The following KCNIP1 variants were observed in gnomAD, a reference collection of about 807,000 sequenced individuals.
KCNIP1 encodes potassium voltage-gated channel interacting protein 1, also known as A-type potassium channel modulatory protein KCNIP1.
KCNIP1 carries 18 observed loss-of-function variants against 33.0 expected under a neutral mutation model. The observed-to-expected ratio is 0.55, with a 90% CI of 0.38 to 0.81. The LOEUF (loss-of-function observed/expected upper bound fraction) is 0.81. Ranked by LOEUF, KCNIP1 falls within the 30% of genes least tolerant of loss-of-function variation. The probability of loss-of-function intolerance (pLI) is 0.00; values close to 1 mark genes in which losing one functional copy is unlikely to be tolerated. For missense variants in KCNIP1, 238 were observed against 271.6 expected (o/e 0.88, Z 0.87); for synonymous variants, 93 against 98.3 (o/e 0.95, Z 0.32).
At chr5:170,598,243 C>T (rs536069393) in intron 1 of KCNIP1, among the ~76,000 whole-genome samples, 1 of 152,200 alleles carries the variant, frequency 6.6e-6, no homozygotes, top group Non-Finnish European at 1.5e-5. Flanking sequence ...GCTTCTCTGG[C>T]AGCCAAGGGA....
intron 1 of KCNIP1, among the ~76,000 whole-genome samples, chr5:170,444,021 G>A (rs1440782346): frequency 1.3e-5 from 2 of 152,244 alleles, no homozygotes; most frequent in Non-Finnish European, 2.9e-5. Flanking sequence ...AGAACATTTT[G>A]TATTTAACCA....
intron 1 of KCNIP1, among the ~76,000 whole-genome samples, chr5:170,397,324 A>C (rs1455346360): frequency 6.6e-6 from 1 of 152,198 alleles, no homozygotes; most frequent in African/African-American, 2.4e-5. Context: ...AGACAGACAA[A>C]GAGCTTGTTG....
chr5:170,549,384 T>C (rs571859216), intron 1 of KCNIP1, among the ~76,000 whole-genome samples: 3 of 152,348 alleles, frequency 2.0e-5, no homozygotes, highest in South Asian at 4.1e-4. Flanking sequence ...GATGAAGCCA[T>C]GGCTTTTAGT....
At chr5:170,445,222 C>T (rs938717824) in intron 1 of KCNIP1, among the ~76,000 whole-genome samples, 1 of 152,184 alleles carries the variant, frequency 6.6e-6, no homozygotes, top group African/African-American at 2.4e-5. Context: ...CGGTACAGAG[C>T]CCCGTTAAGG....
chr5:170,688,840 G>T (rs1024561860), intron 1 of KCNIP1, among the ~76,000 whole-genome samples: 8 of 152,166 alleles, frequency 5.3e-5, no homozygotes, highest in African/African-American at 1.9e-4. Context: ...ACTACAAAAT[G>T]GGCTGATCCT....
At chr5:170,730,759 A>G (rs1237323346) in intron 5 of KCNIP1, among the ~76,000 whole-genome samples, 1 of 152,206 alleles carries the variant, frequency 6.6e-6, no homozygotes, top group Non-Finnish European at 1.5e-5. Context: ...TTCTTGAAGA[A>G]TAGTTGATTC....
chr5:170,410,418 G>A (rs568292495), intron 1 of KCNIP1, among the ~76,000 whole-genome samples: 22 of 151,130 alleles, frequency 1.5e-4, no homozygotes, highest in Middle Eastern at 3.4e-3. Flanking sequence ...TGGGTGCACC[G>A]GGTCCCCCAC....
intron 1 of KCNIP1, among the ~76,000 whole-genome samples, chr5:170,526,607 G>A (rs1395814310): frequency 6.6e-6 from 1 of 152,064 alleles, no homozygotes; most frequent in Non-Finnish European, 1.5e-5. Flanking sequence ...CATCTGGGAG[G>A]AGAAGACTGA....
intron 1 of KCNIP1, among the ~76,000 whole-genome samples, chr5:170,628,863 C>A (rs1170537088): frequency 6.6e-6 from 1 of 152,212 alleles, no homozygotes; most frequent in Non-Finnish European, 1.5e-5. Flanking sequence ...TGGCCCCCAG[C>A]CCCCTGAGGG....
intron 1 of KCNIP1, among the ~76,000 whole-genome samples, chr5:170,522,442 A>T (rs1747131380): frequency 1.3e-5 from 2 of 152,190 alleles, no homozygotes; most frequent in South Asian, 4.1e-4. Context: ...CAACTTCAGC[A>T]TTCTTGTTCT....
chr5:170,639,012 G>A (rs746768302), intron 1 of KCNIP1: 2 of 152,280 alleles, frequency 1.3e-5, no homozygotes, highest in Non-Finnish European at 2.9e-5. Flanking sequence ...GGCGAGCAAG[G>A]GTCCTCCGGG....
intron 1 of KCNIP1, among the ~76,000 whole-genome samples, chr5:170,670,064 G>T (rs1319680884): frequency 1.3e-5 from 2 of 152,176 alleles, no homozygotes; most frequent in Non-Finnish European, 2.9e-5. Flanking sequence ...TTTTTTGACG[G>T]AGTCTGGGCC....
intron 1 of KCNIP1, among the ~76,000 whole-genome samples, chr5:170,515,518 CATT>C (rs1218429924): frequency 6.6e-6 from 1 of 152,236 alleles, no homozygotes; most frequent in African/African-American, 2.4e-5. Context: ...TGGTCATAAT[CATT>C]ATATTAACAG....
chr5:170,712,084 T>A (rs1009951361), intron 1 of KCNIP1, among the ~76,000 whole-genome samples: 4 of 152,068 alleles, frequency 2.6e-5, no homozygotes, highest in East Asian at 3.9e-4. Flanking sequence ...CAGGAGAGTA[T>A]CTAGTGGAGC....
chr5:170,358,814 G>A (rs982581855), intron 1 of KCNIP1, among the ~76,000 whole-genome samples: 3 of 152,136 alleles, frequency 2.0e-5, no homozygotes, highest in East Asian at 1.9e-4. Flanking sequence ...GCTAAGTGTC[G>A]TGGCTCCCCT....
chr5:170,446,938 G>T (rs780331987), intron 1 of KCNIP1, among the ~76,000 whole-genome samples: 1 of 152,214 alleles, frequency 6.6e-6, no homozygotes, highest in Non-Finnish European at 1.5e-5. Context: ...TCTACATGCC[G>T]AAAGAGTAAT....
At chr5:170,462,551 C>T (rs10051858) in intron 1 of KCNIP1, among the ~76,000 whole-genome samples, 3 of 152,004 alleles carry the variant, frequency 2.0e-5, no homozygotes, top group African/African-American at 7.3e-5. Flanking sequence ...ACTAGTACAA[C>T]CACTATGGAA....
chr5:170,540,571 C>T (rs970813773), intron 1 of KCNIP1, among the ~76,000 whole-genome samples: 18 of 152,290 alleles, frequency 1.2e-4, no homozygotes, highest in Non-Finnish European at 2.4e-4. Context: ...ACCTGCCCTT[C>T]CCTGACCACA....
At chr5:170,385,065 G>A (rs1304904649) in intron 1 of KCNIP1, among the ~76,000 whole-genome samples, 1 of 152,146 alleles carries the variant, frequency 6.6e-6, no homozygotes, top group Non-Finnish European at 1.5e-5. Context: ...AGGGCATCAT[G>A]TGTCTGTTAC....
Sources: allele counts gnomAD v4.1 joint callset (sites outside exome capture counted in the v4.1 genomes callset), GRCh38; gene constraint gnomAD v4.1.1; transcripts MANE v1.5; gene names NCBI Gene and HGNC (gene_info 2026-07-23, HGNC 2026-07-21).